Variants in TRIM66 observed in about 807,000 individuals in gnomAD.
TRIM66 encodes the protein tripartite motif-containing protein 66.
A neutral mutation model predicts 148.2 loss-of-function variants in TRIM66; 99 were observed. The ratio of observed to expected loss-of-function variants is 0.67; its 90% CI spans 0.57 to 0.79. The LOEUF (loss-of-function observed/expected upper bound fraction) is 0.79, where lower values mean the gene tolerates loss of function less well. Ranked by LOEUF, TRIM66 falls within the 30% of genes least tolerant of loss-of-function variation. The pLI, the probability that TRIM66 is intolerant of heterozygous loss-of-function variation, is 0.00. For missense variants in TRIM66, 1,666 were observed against 1,697.9 expected (o/e 0.98, Z 0.33); for synonymous variants, 616 against 635.9 (o/e 0.97, Z 0.47).
intron 3 of TRIM66, among the ~76,000 whole-genome samples, chr11:8,675,415 C>T (rs976875951): frequency 2.0e-5 from 3 of 152,176 alleles, no homozygotes; most frequent in South Asian, 2.1e-4. Context: ...GCAGTTTTGC[C>T]CTTGTTAACC....
intron 6 of TRIM66, among the ~76,000 whole-genome samples, chr11:8,669,621 C>T (rs537887029): frequency 6.8e-5 from 10 of 148,088 alleles, no homozygotes; most frequent in African/African-American, 1.0e-4. Context: ...CCAGCCTGGG[C>T]GACAGAGTGA....
intron 21 of TRIM66, 22 bp downstream of exon 21, chr11:8,620,424 G>C: frequency 6.4e-7 from 1 of 1,551,390 alleles, no homozygotes; most frequent in Non-Finnish European, 8.7e-7. Flanking sequence ...AGGGAACCTT[G>C]TTTCCAAAGA....
Position 8,625,689 on chromosome 11 carries a change from C to T in TRIM66, c.2311-461G>A, listed in dbSNP as rs1036788707. Among the ~76,000 whole-genome samples the T allele has an allele frequency of 4.6e-5, 7 of 152,276 alleles. 1 individual carries two copies. The South Asian group carries it at 6.2e-4, about 14-fold the overall frequency. ...CTATACCACCAGTGGCTTCTCTTCC[C>T]GTCAAGGGGTGCTATAGAATAGTTT... On this transcript the variant is annotated intron_variant, in intron 15 of 24. Transcript: ENST00000646038.
intron 15 of TRIM66, among the ~76,000 whole-genome samples, chr11:8,630,488 T>C (rs187314899): frequency 5.3e-4 from 81 of 152,356 alleles, no homozygotes; most frequent in Non-Finnish European, 9.3e-4. Context: ...GGAAAAGGTA[T>C]ATTTTGAGAT....
intron 3 of TRIM66, among the ~76,000 whole-genome samples, 181 bp from the exon 4 acceptor site, chr11:8,675,064 T>G (rs1488823288): frequency 6.6e-6 from 1 of 152,234 alleles, no homozygotes; most frequent in Non-Finnish European, 1.5e-5. Context: ...GAACTAGTCT[T>G]TTCCCCAGGC....
Position 8,682,652 on chromosome 11 carries a change from C to G in TRIM66, c.-599G>C. 2.5e-6 allele frequency: 2 copies of G among 789,028 alleles called. No individual in the cohort carries two copies. Among genetic ancestry groups the G allele is most frequent in the East Asian group, 2.5e-5 (1 of 39,700 alleles). 48.9% of individuals were successfully genotyped at this position (789,028 alleles called of 1,614,324 possible). On this transcript the variant is annotated 5_prime_UTR_variant, in exon 1 of 25. Coordinates refer to ENST00000646038, the MANE Select transcript of TRIM66 (RefSeq NM_001388022.1). ...CTCCGTGATGGGGGATCACCACCCT[C>G]AGAAAGAGGAAGCGACTAGCAGGCG...
At chr11:8,636,909 C>T (rs1388912554) in intron 15 of TRIM66, among the ~76,000 whole-genome samples, 2 of 152,176 alleles carry the variant, frequency 1.3e-5, no homozygotes, top group African/African-American at 4.8e-5. Context: ...TTCCCCAGTG[C>T]ATCTCGTGAT....
At chr11:8,659,448 T>G (rs2038095237) in intron 6 of TRIM66, among the ~76,000 whole-genome samples, 1 of 152,012 alleles carries the variant, frequency 6.6e-6, no homozygotes, top group African/African-American at 2.4e-5. Flanking sequence ...GGGCTAGTGG[T>G]GGTGTGTGAA....
At chr11:8,623,005 C>A in intron 17 of TRIM66, 129 bp from the exon 18 acceptor site, 1 of 719,170 alleles carries the variant, frequency 1.4e-6, no homozygotes, top group Non-Finnish European at 2.3e-6. Flanking sequence ...GTTACCTACA[C>A]TATAGTCATT....
chr11:8,654,514 A>G (rs539516787), intron 6 of TRIM66: 1 of 152,352 alleles, frequency 6.6e-6, no homozygotes, highest in Non-Finnish European at 1.5e-5. Flanking sequence ...GGGTTCCCGC[A>G]GCACCCTGAA....
intron 6 of TRIM66, among the ~76,000 whole-genome samples, chr11:8,661,700 G>A (rs1327632181): frequency 6.6e-6 from 1 of 152,152 alleles, no homozygotes; most frequent in Non-Finnish European, 1.5e-5. Flanking sequence ...CAGGATCCTA[G>A]CCCTTCCTGG....
chr11:8,677,317 C>T (rs571693151), intron 3 of TRIM66, among the ~76,000 whole-genome samples: 4 of 152,306 alleles, frequency 2.6e-5, no homozygotes, highest in Non-Finnish European at 5.9e-5. Flanking sequence ...CTTTTGTTCA[C>T]AATTGTACCT....
chr11:8,649,830 G>C lies in TRIM66; in HGVS notation c.502C>G (p.Arg168Gly). Residue 168 changes from arginine to glycine, a missense_variant, in exon 8 of 25, where the codon CGC becomes GGC. By Grantham distance (125) the Arg-to-Gly change is moderately radical. This residue lies in a region of TRIM66 where 1,431 missense variants were observed against 1,412.4 expected (regional missense o/e 1.01). Transcript: ENST00000646038. ...AAHILCTYCN[R>G]WLCSSCTEEH... ...TCTGTGCAAGAGCTGCACAGCCAGC[G>C]ATTGCAGTAGGTGCAGAGGATATGT... 1 of 1,551,674 alleles carries C rather than the reference G, an allele frequency of 6.4e-7. No homozygotes were observed. Among genetic ancestry groups the C allele is most frequent in the Non-Finnish European group, 8.7e-7 (1 of 1,146,986 alleles).
intron 6 of TRIM66, chr11:8,658,738 G>T: frequency 1.0e-6 from 1 of 983,184 alleles, no homozygotes; most frequent in Non-Finnish European, 1.2e-6. Context: ...CACTCTCACC[G>T]CATCATTTTA....
chr11:8,668,301 T>C (rs1040421867), intron 6 of TRIM66, among the ~76,000 whole-genome samples: 5 of 152,120 alleles, frequency 3.3e-5, no homozygotes, highest in African/African-American at 1.2e-4. Flanking sequence ...GAGTTCTTTA[T>C]ATATTCTAGA....
Position 8,649,726 on chromosome 11 carries a change from G to C in TRIM66, c.592+14C>G, listed in dbSNP as rs746093766. ...TAGGGCATGGGAGTGGGCAGGGAGA[G>C]GTGGGATTGGTACCTGGAGATCCCT... On this transcript the variant is annotated intron_variant, in intron 8 of 24. Transcript: ENST00000646038. 3.2e-6 allele frequency: 5 copies of C among 1,550,600 alleles called. No individual in the cohort carries two copies. Among genetic ancestry groups the C allele is most frequent in the Non-Finnish European group, 4.4e-6 (5 of 1,146,914 alleles).
intron 6 of TRIM66, among the ~76,000 whole-genome samples, chr11:8,663,778 C>T (rs771058788): frequency 6.6e-6 from 1 of 151,888 alleles, no homozygotes; most frequent in South Asian, 2.1e-4. Flanking sequence ...GATATATATA[C>T]ACAATACTAT....
chr11:8,682,491 C>G, intron 1 of TRIM66, 110 bp downstream of exon 1: 4 of 456,140 alleles, frequency 8.8e-6, no homozygotes, highest in Non-Finnish European at 1.6e-5. Context: ...CTGACCAAGG[C>G]GCCAGAAAAG....
intron 6 of TRIM66, among the ~76,000 whole-genome samples, chr11:8,668,843 C>T (rs769291234): frequency 4.6e-5 from 7 of 152,140 alleles, no homozygotes; most frequent in Non-Finnish European, 8.8e-5. Flanking sequence ...ACCTCGGCCT[C>T]CCAAAGTGCT....
Sources: gnomAD v4.1 joint callset for allele counts (sites outside exome capture counted in the v4.1 genomes callset) on GRCh38, gnomAD v4.1.1 for gene constraint, gnomAD v4.1.1 regional missense constraint, MANE v1.5 for transcripts, NCBI Gene and HGNC (gene_info 2026-07-23, HGNC 2026-07-21) for gene names.